WBP2NL: variants seen among roughly 807,000 people sequenced by gnomAD.
WBP2NL encodes postacrosomal sheath WW domain-binding protein.
A neutral mutation model predicts 23.3 loss-of-function variants in WBP2NL; 27 were observed. The observed-to-expected ratio is 1.16, with a 90% CI of 0.85 to 1.60. The LOEUF (loss-of-function observed/expected upper bound fraction) is 1.60, where lower values mean the gene tolerates loss of function less well. Ranked by LOEUF, WBP2NL falls within the 40% of genes most tolerant of loss-of-function variation. The pLI is 0.00. For synonymous variants in WBP2NL, 151 were observed against 145.9 expected, an observed-to-expected ratio of 1.03 and a Z score of -0.25; for missense variants, 370 against 389.5, an observed-to-expected ratio of 0.95 and a Z score of 0.42.
intron 4 of WBP2NL, among the ~76,000 whole-genome samples, chr22:42,021,630 T>C (rs975808004): frequency 6.6e-6 from 1 of 152,180 alleles, no homozygotes; most frequent in Non-Finnish European, 1.5e-5. Flanking sequence ...GGATATATCT[T>C]ACCAACTTGG....
chr22:42,015,849 G>A (rs1923259090), intron 1 of WBP2NL, among the ~76,000 whole-genome samples: 1 of 152,142 alleles, frequency 6.6e-6, no homozygotes. Context: ...AGGAATATGT[G>A]TGAGCTTTTC....
intron 1 of WBP2NL, among the ~76,000 whole-genome samples, chr22:42,011,592 A>T (rs868515434): frequency 6.6e-6 from 1 of 151,780 alleles, no homozygotes; most frequent in African/African-American, 2.4e-5. Flanking sequence ...CTTACTAGTT[A>T]ATTGGTCTGT....
downstream of WBP2NL, among the ~76,000 whole-genome samples, chr22:42,030,196 T>C (rs926367134): frequency 1.3e-4 from 20 of 152,370 alleles, no homozygotes; most frequent in African/African-American, 4.8e-4. Flanking sequence ...AATTATTTGA[T>C]TTTAGAATAT....
intron 1 of WBP2NL, among the ~76,000 whole-genome samples, chr22:42,003,928 T>C (rs1247127669): frequency 6.6e-6 from 1 of 152,176 alleles, no homozygotes; most frequent in African/African-American, 2.4e-5. Flanking sequence ...TTAGGAAAAG[T>C]TTATGGGGAA....
intron 8 of WBP2NL, among the ~76,000 whole-genome samples, chr22:42,042,860 A>ATGT (rs1395193649): frequency 2.0e-5 from 3 of 152,008 alleles, no homozygotes; most frequent in Non-Finnish European, 2.9e-5. Flanking sequence ...GCAGTTCGAG[A>ATGT]TGACCAGCTT....
chr22:42,018,024 A>G (rs1241611114), intron 1 of WBP2NL, among the ~76,000 whole-genome samples: 1 of 151,790 alleles, frequency 6.6e-6, no homozygotes, highest in African/African-American at 2.4e-5. Flanking sequence ...GTGGCAGGCG[A>G]CTTAATCCCA....
chr22:42,021,953 T>G (rs1004825026), intron 4 of WBP2NL, among the ~76,000 whole-genome samples: 1 of 151,986 alleles, frequency 6.6e-6, no homozygotes, highest in African/African-American at 2.4e-5. Context: ...TGCACCACCA[T>G]GCCTGGCTAA....
At chr22:42,033,042 C>T (rs1468734650), downstream of WBP2NL, 1 of 168,962 alleles carries the variant, frequency 5.9e-6, no homozygotes, top group Non-Finnish European at 1.3e-5. Flanking sequence ...CCCACCCGGC[C>T]TGACAGGCTG....
intron 1 of WBP2NL, among the ~76,000 whole-genome samples, chr22:42,018,123 T>C: frequency 7.1e-6 from 1 of 141,026 alleles, no homozygotes; most frequent in East Asian, 2.0e-4. Context: ...CACTCAAACC[T>C]GGGGGACAAG....
intron 1 of WBP2NL, among the ~76,000 whole-genome samples, chr22:42,012,034 C>T (rs889473254): frequency 1.3e-5 from 2 of 152,160 alleles, no homozygotes; most frequent in African/African-American, 4.8e-5. Flanking sequence ...GCCTTGGCCT[C>T]CCAAAGTGCT....
chr22:42,011,160 A>G (rs1922776773), intron 1 of WBP2NL, among the ~76,000 whole-genome samples: 1 of 152,184 alleles, frequency 6.6e-6, no homozygotes, highest in Admixed American at 6.5e-5. Flanking sequence ...GTAAGCCTAG[A>G]AGTGTTTCTT....
chr22:42,026,552 G>A (rs1433237827), intron 5 of WBP2NL, among the ~76,000 whole-genome samples: 1 of 151,954 alleles, frequency 6.6e-6, no homozygotes, highest in African/African-American at 2.4e-5. Flanking sequence ...CCGATCTATT[G>A]ATAGGGTTGT....
Position 42,027,636 on chromosome 22 carries a change from A to G in WBP2NL, c.*455A>G, listed in dbSNP as rs550136990. The G allele has an allele frequency of 1.7e-4, 48 of 275,210 alleles. 1 individual carries two copies. In the South Asian group the frequency reaches 4.7e-3, roughly 27 times the overall value. 17.0% of individuals were successfully genotyped at this position (275,210 alleles called of 1,614,324 possible). Reference sequence around the variant, plus strand: ...GAGTGTTATAAATTACGGTGGATCCACAAAATGGAGTATTATACACCTGTT... The same window carrying G: ...GAGTGTTATAAATTACGGTGGATCCGCAAAATGGAGTATTATACACCTGTT... On this transcript the variant is annotated 3_prime_UTR_variant, in exon 6 of 6. Transcript: ENST00000328823.
At chr22:42,040,837 A>G (rs1925376469) in intron 8 of WBP2NL, among the ~76,000 whole-genome samples, 1 of 152,250 alleles carries the variant, frequency 6.6e-6, no homozygotes, top group Non-Finnish European at 1.5e-5. Context: ...GATGTGACCT[A>G]TCCTGGAATA....
intron 1 of WBP2NL, chr22:42,001,733 G>T: frequency 8.2e-7 from 1 of 1,213,076 alleles, no homozygotes; most frequent in Non-Finnish European, 1.2e-6. Context: ...GGAAGTATCT[G>T]ATGACACTGG....
At chr22:42,005,343 A>G (rs1343749213) in intron 1 of WBP2NL, among the ~76,000 whole-genome samples, 2 of 151,400 alleles carry the variant, frequency 1.3e-5, no homozygotes, top group Non-Finnish European at 1.5e-5. Context: ...ATGAAACCCC[A>G]TCTCTACTAA....
intron 8 of WBP2NL, among the ~76,000 whole-genome samples, chr22:42,044,300 G>A (rs774275310): frequency 3.3e-5 from 5 of 151,766 alleles, no homozygotes; most frequent in Non-Finnish European, 7.4e-5. Context: ...TGAACTCCTG[G>A]CCTGAAGCGA....
chr22:42,030,618 C>A (rs190385289), downstream of WBP2NL: 8 of 152,350 alleles, frequency 5.3e-5, no homozygotes, highest in Non-Finnish European at 1.0e-4. Context: ...AATATTGGAT[C>A]TTAAACATGG....
chr22:42,032,676 TG>T, downstream of WBP2NL: 1 of 453,872 alleles, frequency 2.2e-6, no homozygotes, highest in Admixed American at 2.7e-5. Flanking sequence ...ATATTCTTCC[TG>T]GCCTTTGCCT....
Sources: allele counts gnomAD v4.1 joint callset (sites outside exome capture counted in the v4.1 genomes callset), GRCh38; gene constraint gnomAD v4.1.1; transcripts MANE v1.5; gene names NCBI Gene and HGNC (gene_info 2026-07-23, HGNC 2026-07-21).